The following ZNF536 variants were observed in gnomAD, a reference collection of about 807,000 sequenced individuals.
The protein encoded by ZNF536 is zinc finger protein 536.
A neutral mutation model predicts 84.5 loss-of-function variants in ZNF536; 13 were observed. The ratio of observed to expected loss-of-function variants is 0.15; its 90% CI spans 0.10 to 0.24. The LOEUF is 0.24. Ranked by LOEUF, ZNF536 falls within the 10% of genes least tolerant of loss-of-function variation. The pLI is 1.00. For missense variants in ZNF536, 1,536 were observed against 1,747.5 expected (o/e 0.88, Z 2.16); for synonymous variants, 811 against 742.5 (o/e 1.09, Z -1.50).
intron 2 of ZNF536, among the ~76,000 whole-genome samples, chr19:30,484,370 G>A (rs1206596386): frequency 6.7e-6 from 1 of 149,384 alleles, no homozygotes; most frequent in Non-Finnish European, 1.5e-5. Flanking sequence ...GGGATTACAG[G>A]CACCCACCGT....
At chr19:30,508,774 T>G (rs77626834) in intron 2 of ZNF536, among the ~76,000 whole-genome samples, 1 of 151,290 alleles carries the variant, frequency 6.6e-6, no homozygotes, top group Non-Finnish European at 1.5e-5. Context: ...TGACTACATT[T>G]GTGGGTGTGG....
chr19:30,452,011 G>A (rs1049183634), intron 2 of ZNF536, among the ~76,000 whole-genome samples: 2 of 152,234 alleles, frequency 1.3e-5, no homozygotes, highest in East Asian at 3.9e-4. Context: ...GAGGTTCCAG[G>A]CTCAGGTCTT....
intron 1 of ZNF536, among the ~76,000 whole-genome samples, chr19:30,412,516 T>TC (rs2050536444): frequency 6.6e-6 from 1 of 152,060 alleles, no homozygotes; most frequent in South Asian, 2.1e-4. Flanking sequence ...CTCTAGTTGT[T>TC]CTTTAATAAA....
At chr19:30,544,145 A>G (rs571160622) in intron 3 of ZNF536, among the ~76,000 whole-genome samples, 2 of 152,328 alleles carry the variant, frequency 1.3e-5, no homozygotes, top group African/African-American at 4.8e-5. Flanking sequence ...GCCCACCTGG[A>G]GCACTTAACT....
rs144682363 is a variant in ZNF536, at chr19:30,519,429, G to A, written c.2171-15418G>A. On this transcript the variant is annotated intron_variant, in intron 2 of 4. Coordinates refer to ENST00000355537, the MANE Select transcript of ZNF536 (RefSeq NM_014717.3). The stretch of plus-strand genomic sequence containing the variant: ...CCCTCCACGGGGTTGTGCTCTGGCA[G>A]TGGGAGCCCTGCACTCTCTCAAGGA... Among the ~76,000 whole-genome samples the A allele has an allele frequency of 1.7e-3, 260 of 152,332 alleles. 1 individual carries two copies. Among genetic ancestry groups the A allele is most frequent in the African/African-American group, 6.1e-3 (253 of 41,588 alleles).
chr19:30,573,595 G>T (rs1046218605), intron 1 of ZNF536, among the ~76,000 whole-genome samples: 2 of 152,204 alleles, frequency 1.3e-5, no homozygotes, highest in African/African-American at 4.8e-5. Context: ...ACTCCCCCAA[G>T]ATGAAGGTCT....
At chr19:30,646,528 G>A (rs1488868868) in intron 1 of ZNF536, among the ~76,000 whole-genome samples, 2 of 152,170 alleles carry the variant, frequency 1.3e-5, no homozygotes, top group Non-Finnish European at 2.9e-5. Context: ...TGAAGCCATC[G>A]GTGTGTACGT....
At chr19:30,639,514 G>C (rs2049188492) in intron 1 of ZNF536, among the ~76,000 whole-genome samples, 1 of 152,172 alleles carries the variant, frequency 6.6e-6, no homozygotes, top group East Asian at 1.9e-4. Context: ...ACCCTGGCAG[G>C]CAGCACAGCT....
chr19:30,406,237 A>G lies in ZNF536; in HGVS notation c.-3+33681A>G, dbSNP rs149781759. ...ATAGCCTAGCAGGGGCACCAAGAAAAGGGAACAACTAGTCAACCGCGATGC... is the reference window on the plus strand; with the variant it reads ...ATAGCCTAGCAGGGGCACCAAGAAAGGGGAACAACTAGTCAACCGCGATGC... On this transcript the variant is annotated intron_variant, in intron 1 of 4. Coordinates refer to ENST00000355537, the MANE Select transcript of ZNF536 (RefSeq NM_014717.3). Among the ~76,000 whole-genome samples the G allele has an allele frequency of 6.5e-3, 985 of 152,224 alleles. 10 individuals are homozygous for G. The highest frequency in any genetic ancestry group is 0.023 in the African/African-American group (956 of 41,538).
At chr19:30,237,775 C>T (rs1321205264) in intron 1 of ZNF536, among the ~76,000 whole-genome samples, 2 of 147,548 alleles carry the variant, frequency 1.4e-5, no homozygotes, top group Admixed American at 6.8e-5. Flanking sequence ...TCTATAAGTT[C>T]TTTTTTTTTT....
rs577018309 is a variant in ZNF536, at chr19:30,546,174, T to C, written c.2324-1769T>C. Among the ~76,000 whole-genome samples the C allele has an allele frequency of 3.3e-5, 5 of 152,318 alleles. No homozygotes were observed. The East Asian group carries it at 7.7e-4, about 24-fold the overall frequency. On this transcript the variant is annotated intron_variant, in intron 3 of 4. Coordinates refer to ENST00000355537, the MANE Select transcript of ZNF536 (RefSeq NM_014717.3). ...TGCCCCATCCCAGCCTGGCCTGCGATGGGATGTCTACATAGCAGTAGCTCA... is the reference window on the plus strand; with the variant it reads ...TGCCCCATCCCAGCCTGGCCTGCGACGGGATGTCTACATAGCAGTAGCTCA...
At chr19:30,702,771 C>T (rs2052040230) in intron 1 of ZNF536, among the ~76,000 whole-genome samples, 2 of 152,164 alleles carry the variant, frequency 1.3e-5, no homozygotes, top group Admixed American at 1.3e-4. Context: ...TCTCTCTTTC[C>T]TATCTCCTGG....
intron 1 of ZNF536, among the ~76,000 whole-genome samples, chr19:30,693,539 G>C (rs1364136603): frequency 1.3e-5 from 2 of 151,952 alleles, no homozygotes; most frequent in Non-Finnish European, 2.9e-5. Context: ...CTTTTATAGT[G>C]GGGGGAGAGA....
chr19:30,672,784 C>T (rs1014436806), intron 1 of ZNF536, among the ~76,000 whole-genome samples: 1 of 152,106 alleles, frequency 6.6e-6, no homozygotes, highest in African/African-American at 2.4e-5. Flanking sequence ...GAGAGAAGAT[C>T]CCAGGAAGTA....
At chr19:30,551,381 C>T (rs1371704401) in intron 4 of ZNF536, among the ~76,000 whole-genome samples, 1 of 152,216 alleles carries the variant, frequency 6.6e-6, no homozygotes, top group Non-Finnish European at 1.5e-5. Context: ...GGGAAGCCAA[C>T]GTCAGGGAGC....
At chr19:30,696,436 A>C (rs2051661701) in intron 1 of ZNF536, among the ~76,000 whole-genome samples, 1 of 152,248 alleles carries the variant, frequency 6.6e-6, no homozygotes, top group South Asian at 2.1e-4. Context: ...AATCTTCAAA[A>C]ACGGAATGTA....
intron 2 of ZNF536, among the ~76,000 whole-genome samples, chr19:30,344,439 TCA>T (rs1491361295): frequency 6.4e-5 from 2 of 31,314 alleles, no homozygotes; most frequent in African/African-American, 3.2e-4. Context: ...AAACTCCATC[TCA>T]AAAAAAAAAA....
chr19:30,497,169 G>A (rs975277305), intron 2 of ZNF536, among the ~76,000 whole-genome samples: 1 of 152,154 alleles, frequency 6.6e-6, no homozygotes, highest in African/African-American at 2.4e-5. Flanking sequence ...GTGTGCCCCT[G>A]GGTGTGTGTA....
intron 1 of ZNF536, among the ~76,000 whole-genome samples, chr19:30,699,802 G>T (rs1345771539): frequency 3.9e-5 from 6 of 152,120 alleles, no homozygotes; most frequent in African/African-American, 1.4e-4. Flanking sequence ...AATATTCAAA[G>T]GAAGCAGCAG....
Sources: allele counts gnomAD v4.1 joint callset (sites outside exome capture counted in the v4.1 genomes callset), GRCh38; gene constraint gnomAD v4.1.1; transcripts MANE v1.5; gene names NCBI Gene and HGNC (gene_info 2026-07-23, HGNC 2026-07-21).